The following MANEA variants were observed in gnomAD, a reference collection of about 807,000 sequenced individuals.
MANEA encodes mannosidase endo-alpha, also known as glycoprotein endo-alpha-1,2-mannosidase.
In MANEA, 25 loss-of-function variants were observed where a neutral mutation model predicts 36.8. The ratio of observed to expected loss-of-function variants is 0.68; its 90% CI spans 0.50 to 0.95. The LOEUF (loss-of-function observed/expected upper bound fraction) is 0.95, where lower values mean the gene tolerates loss of function less well. Among genes scored for constraint, MANEA ranks in the 40% least tolerant of loss-of-function variants. The pLI is 0.00. For missense variants in MANEA, 565 were observed against 558.8 expected (o/e 1.01, Z -0.11); for synonymous variants, 198 against 188.5 (o/e 1.05, Z -0.41).
intron 2 of MANEA, among the ~76,000 whole-genome samples, chr6:95,592,689 A>G (rs1769405706): frequency 6.6e-6 from 1 of 152,114 alleles, no homozygotes; most frequent in Admixed American, 6.6e-5. Flanking sequence ...CTTGTTATTA[A>G]GTGTTATTTA....
chr6:95,582,763 C>T (rs1012936765), intron 1 of MANEA, among the ~76,000 whole-genome samples: 5 of 152,140 alleles, frequency 3.3e-5, no homozygotes, highest in Admixed American at 3.3e-4. Context: ...TTATACGTTG[C>T]ATTGTATGTA....
At position 95,606,498 on chromosome 6, in the gene MANEA, T is replaced by C; in HGVS notation, c.*93T>C. ...CTGGAAAGAAAACTGTCAAAATCAG[T>C]ATATACTATTAGTTATATTTAAAAA... On this transcript the variant is annotated 3_prime_UTR_variant, in exon 5 of 5. Transcript: ENST00000358812. 1 of 724,256 alleles carries C rather than the reference T, an allele frequency of 1.4e-6. No individual in the cohort carries two copies. The highest frequency in any genetic ancestry group is 2.1e-6 in the Non-Finnish European group (1 of 473,118). 44.9% of individuals were successfully genotyped at this position (724,256 alleles called of 1,614,324 possible). A position where few individuals can be genotyped will look rare whatever the true frequency, so the allele number is the denominator to read the frequency against.
intron 1 of MANEA, among the ~76,000 whole-genome samples, chr6:95,580,282 C>A (rs930840669): frequency 4.6e-5 from 7 of 151,894 alleles, no homozygotes; most frequent in Non-Finnish European, 5.9e-5. Flanking sequence ...CAGAAATTAA[C>A]TTTTTTAAAG....
chr6:95,580,189 AGTC>A (rs983031935), intron 1 of MANEA, among the ~76,000 whole-genome samples: 6 of 152,178 alleles, frequency 3.9e-5, no homozygotes, highest in Non-Finnish European at 7.4e-5. Context: ...TACGGTCAGT[AGTC>A]TATATATACA....
At chr6:95,592,283 A>G (rs1481573855) in intron 2 of MANEA, among the ~76,000 whole-genome samples, 1 of 152,092 alleles carries the variant, frequency 6.6e-6, no homozygotes, top group African/African-American at 2.4e-5. Flanking sequence ...TATAGTTCCC[A>G]TATCTCTGCT....
At chr6:95,601,780 T>G (rs1229726474) in intron 3 of MANEA, among the ~76,000 whole-genome samples, 1 of 141,408 alleles carries the variant, frequency 7.1e-6, no homozygotes, top group Non-Finnish European at 1.5e-5. Flanking sequence ...AACTCAGCCC[T>G]GGTGATCTTC....
intron 1 of MANEA, among the ~76,000 whole-genome samples, chr6:95,581,774 A>G: frequency 6.6e-6 from 1 of 152,300 alleles, no homozygotes; most frequent in Non-Finnish European, 1.5e-5. Flanking sequence ...TGAATGCCTT[A>G]CTAATTTATA....
rs1164516594 is a variant in MANEA, at chr6:95,608,401, A to G, written c.*1996A>G. 1.3e-5 allele frequency: 2 copies of G among 151,878 alleles called. No individual in the cohort carries two copies. Among genetic ancestry groups the G allele is most frequent in the African/African-American group, 4.8e-5 (2 of 41,434 alleles). 9.4% of individuals were successfully genotyped at this position (151,878 alleles called of 1,614,324 possible). ...TGAGATTAAGGGAAAATCTATAAAA[A>G]CAAGGTTAGCATATTCTCAACACAG... On this transcript the variant is annotated 3_prime_UTR_variant, in exon 5 of 5. Coordinates refer to ENST00000358812, the MANE Select transcript of MANEA (RefSeq NM_024641.4).
intron 2 of MANEA, among the ~76,000 whole-genome samples, chr6:95,594,824 T>G (rs973010012): frequency 1.3e-5 from 2 of 152,084 alleles, no homozygotes; most frequent in African/African-American, 2.4e-5. Flanking sequence ...CTTTTGAGAG[T>G]TGGTTTACTT....
intron 2 of MANEA, among the ~76,000 whole-genome samples, chr6:95,591,808 A>G (rs1207246606): frequency 6.6e-6 from 1 of 152,040 alleles, no homozygotes; most frequent in Admixed American, 6.6e-5. Flanking sequence ...GGTTCAAGCA[A>G]TTCTCCTGCC....
chr6:95,588,936 C>T (rs1270729668), intron 2 of MANEA, among the ~76,000 whole-genome samples: 1 of 151,664 alleles, frequency 6.6e-6, no homozygotes, highest in Non-Finnish European at 1.5e-5. Context: ...AGACCTTTTT[C>T]CCTGTATAAT....
At chr6:95,603,672 C>T (rs1313359586) in intron 3 of MANEA, among the ~76,000 whole-genome samples, 1 of 151,900 alleles carries the variant, frequency 6.6e-6, no homozygotes, top group Non-Finnish European at 1.5e-5. Context: ...CAATAGAAGT[C>T]TCTAGTTCCA....
chr6:95,606,774 T>C lies in MANEA; in HGVS notation c.*369T>C, dbSNP rs117238191. 2.1e-4 allele frequency: 32 copies of C among 153,544 alleles called. No homozygotes were observed. The East Asian group carries it at 6.1e-3, about 29-fold the overall frequency. 9.5% of individuals were successfully genotyped at this position (153,544 alleles called of 1,614,324 possible). A position where few individuals can be genotyped will look rare whatever the true frequency, so the allele number is the denominator to read the frequency against. On this transcript the variant is annotated 3_prime_UTR_variant, in exon 5 of 5. Transcript: ENST00000358812. ...ACATCCTAGACCCAAATAAATAGGATTGTGTGTATATTTGGGATATCTATT... is the reference window on the plus strand; with the variant it reads ...ACATCCTAGACCCAAATAAATAGGACTGTGTGTATATTTGGGATATCTATT...
chr6:95,595,039 G>A (rs1211808730), intron 2 of MANEA, among the ~76,000 whole-genome samples: 1 of 152,092 alleles, frequency 6.6e-6, no homozygotes, highest in Non-Finnish European at 1.5e-5. Context: ...AGACTAGTCT[G>A]CTATTATTAG....
intron 1 of MANEA, 55 bp from the exon 2 acceptor site, chr6:95,586,347 A>C (rs1769280406): frequency 2.0e-6 from 2 of 1,012,014 alleles, no homozygotes; most frequent in Non-Finnish European, 2.9e-6. Flanking sequence ...TGTTGAATAT[A>C]TTGGAAAATA....
In MANEA at chr6:95,586,551, G is replaced by C. The variant is rs976120760; in HGVS notation, c.112G>C (p.Ala38Pro). Reference sequence around the variant, plus strand: ...GAGACCAAATACAGCTACTTTTGGAGCTCCTTTTGGACTTGACCTTCTTCC... The same window carrying C: ...GAGACCAAATACAGCTACTTTTGGACCTCCTTTTGGACTTGACCTTCTTCC... Reference protein sequence around the residue: ...MLRPNTATFGAPFGLDLLPEL... With the variant: ...MLRPNTATFGPPFGLDLLPEL... The change falls in exon 2 of 5, where the codon GCT becomes CCT. Residue 38 changes from alanine (A) to proline (P), a missense_variant. Transcript: ENST00000358812. 1.9e-5 allele frequency: 31 copies of C among 1,613,888 alleles called. No homozygotes were observed. In the Admixed American group the frequency reaches 2.7e-4, roughly 14 times the overall value.
chr6:95,594,085 T>A (rs1049086483), intron 2 of MANEA, among the ~76,000 whole-genome samples: 40 of 150,134 alleles, frequency 2.7e-4, no homozygotes, highest in African/African-American at 9.8e-4. Flanking sequence ...AAAGCTCATG[T>A]GTGTGTACAT....
chr6:95,601,519 G>A (rs948023941), intron 3 of MANEA, among the ~76,000 whole-genome samples: 2 of 152,078 alleles, frequency 1.3e-5, no homozygotes, highest in Non-Finnish European at 2.9e-5. Context: ...GACTCAGAAT[G>A]ACAGACACGT....
intron 3 of MANEA, among the ~76,000 whole-genome samples, chr6:95,603,543 A>G (rs897325378): frequency 1.3e-5 from 2 of 151,740 alleles, no homozygotes; most frequent in African/African-American, 4.9e-5. Context: ...GTAGAAAATT[A>G]TATTTTTTTT....
Sources: allele counts gnomAD v4.1 joint callset (sites outside exome capture counted in the v4.1 genomes callset), GRCh38; gene constraint gnomAD v4.1.1; transcripts MANE v1.5; gene names NCBI Gene and HGNC (gene_info 2026-07-23, HGNC 2026-07-21).